TRPM1: variants seen among roughly 807,000 people sequenced by gnomAD.
TRPM1 encodes TRPM1-203 APA Isoform, Intron 10.
Under a neutral mutation model 149.4 loss-of-function variants are expected in TRPM1, and 113 were observed. The observed-to-expected ratio is 0.76, with a 90% confidence interval of 0.65 to 0.88. TRPM1 has a LOEUF of 0.88. Among genes scored for constraint, TRPM1 ranks in the 40% least tolerant of loss-of-function variants. TRPM1 has a pLI of 0.00. For synonymous variants in TRPM1, 741 were observed against 759.5 expected, an observed-to-expected ratio of 0.98 and a Z score of 0.40; for missense variants, 1,976 against 2,038.7, an observed-to-expected ratio of 0.97 and a Z score of 0.59.
rs568465815 is a variant in TRPM1 at position 31,022,593 on chromosome 15, C to T, written c.3629+3546G>A. On this transcript the variant is annotated intron_variant, in intron 27 of 27. Transcript: ENST00000256552. ...CCAACACTTGTTATCCTTCCTGTGG[C>T]ACAATCCTTTGGCTCTTGAGTCTGC... Among the ~76,000 whole-genome samples, 28 of 152,362 alleles carry T rather than the reference C, an allele frequency of 1.8e-4. 1 individual carries two copies. The South Asian group carries it at 3.1e-3, about 17-fold the overall frequency.
chr15:31,132,588 G>C (rs2036031454), intron 1 of TRPM1, among the ~76,000 whole-genome samples: 1 of 152,222 alleles, frequency 6.6e-6, no homozygotes, highest in Non-Finnish European at 1.5e-5. Context: ...GCCACACTGT[G>C]GTGGGTTCTG....
intron 2 of TRPM1, among the ~76,000 whole-genome samples, chr15:31,080,677 T>G (rs2034833507): frequency 1.4e-5 from 1 of 70,470 alleles, no homozygotes. Flanking sequence ...CGCCCCCTGT[T>G]ACCTCTCACG....
In TRPM1 at chr15:31,063,101, C is replaced by T. The variant is rs375285110; in HGVS notation, c.965+17G>A. On this transcript the variant is annotated intron_variant, in intron 8 of 27. Coordinates refer to ENST00000256552, the MANE Select transcript of TRPM1 (RefSeq NM_001252024.2). ...GGAGTTACGAACCCGCCCTTCCTCG[C>T]GCGTCAGAAATCCTACCCGCCTTCT... 8.4e-5 allele frequency: 136 copies of T among 1,614,110 alleles called. No homozygotes were observed. The African/African-American group carries it at 1.5e-3, about 18-fold the overall frequency.
intron 27 of TRPM1, among the ~76,000 whole-genome samples, chr15:31,025,919 C>A (rs1397566879): frequency 6.6e-6 from 1 of 152,224 alleles, no homozygotes; most frequent in Admixed American, 6.5e-5. Flanking sequence ...TTCTTTCGGC[C>A]CAGGATAAAT....
chr15:31,116,331 G>A (rs1473031297), intron 1 of TRPM1, among the ~76,000 whole-genome samples: 2 of 152,150 alleles, frequency 1.3e-5, no homozygotes, highest in East Asian at 1.9e-4. Flanking sequence ...TAAAGTGCCC[G>A]GCGCCGTGGC....
chr15:31,071,979 ACATATATAT>A (rs1403672755), intron 3 of TRPM1, among the ~76,000 whole-genome samples: 73 of 83,610 alleles, frequency 8.7e-4, no homozygotes, highest in East Asian at 2.0e-3. Context: ...AAAAAAAAAA[ACATATATAT>A]ATATATATAT....
intron 1 of TRPM1, among the ~76,000 whole-genome samples, chr15:31,109,608 G>A (rs561490759): frequency 2.0e-5 from 3 of 150,570 alleles, no homozygotes; most frequent in South Asian, 2.1e-4. Context: ...GCTGAGGCAG[G>A]AGAATCTCTT....
At chr15:31,152,211 C>G (rs2036311847) in intron 1 of TRPM1, among the ~76,000 whole-genome samples, 1 of 152,218 alleles carries the variant, frequency 6.6e-6, no homozygotes, top group African/African-American at 2.4e-5. Flanking sequence ...GAACTCTGCT[C>G]AGGCATGGGC....
chr15:31,104,873 T>C (rs185942258), upstream of TRPM1, among the ~76,000 whole-genome samples: 104 of 152,156 alleles, frequency 6.8e-4, no homozygotes, highest in African/African-American at 1.2e-3. Context: ...GGATTACAGG[T>C]GTGAGCCACC....
At chr15:31,018,444 G>T (rs2032446180) in intron 27 of TRPM1, among the ~76,000 whole-genome samples, 1 of 151,930 alleles carries the variant, frequency 6.6e-6, no homozygotes. Context: ...TGCAGTCTCG[G>T]TTCACTGCAA....
intron 27 of TRPM1, among the ~76,000 whole-genome samples, chr15:31,009,796 C>T (rs74965838): frequency 2.2e-3 from 341 of 152,240 alleles, no homozygotes; most frequent in African/African-American, 7.8e-3. Flanking sequence ...TTACTCTCTC[C>T]TCTGTAATCC....
intron 11 of TRPM1, among the ~76,000 whole-genome samples, chr15:31,056,477 T>C (rs1245718106): frequency 6.6e-6 from 1 of 152,234 alleles, no homozygotes; most frequent in Non-Finnish European, 1.5e-5. Context: ...ATGGTTCATC[T>C]ATAATTGAAT....
At chr15:31,014,784 C>T (rs1427321022) in intron 27 of TRPM1, among the ~76,000 whole-genome samples, 1 of 152,164 alleles carries the variant, frequency 6.6e-6, no homozygotes. Flanking sequence ...CTCTGGAGTT[C>T]ATAACTTTAT....
chr15:31,037,899 A>C, intron 19 of TRPM1, 57 bp from the exon 20 acceptor site: 1 of 1,613,494 alleles, frequency 6.2e-7, no homozygotes, highest in Non-Finnish European at 8.5e-7. Context: ...AATGCAAGGC[A>C]CTCCGGCACA....
chr15:31,014,220 G>C (rs1251184823), intron 27 of TRPM1, among the ~76,000 whole-genome samples: 1 of 152,142 alleles, frequency 6.6e-6, no homozygotes, highest in Non-Finnish European at 1.5e-5. Flanking sequence ...TCACCTCAGG[G>C]AGCAAGCACT....
exon 1 of TRPM1, chr15:31,161,126 G>GCGAGGC (rs1280782782): frequency 1.5e-6 from 1 of 663,614 alleles, no homozygotes. Context: ...AGATCCTGGG[G>GCGAGGC]CGAGGCCGGC....
At chr15:31,027,947 A>G (rs556010473) in intron 25 of TRPM1, among the ~76,000 whole-genome samples, 2 of 152,316 alleles carry the variant, frequency 1.3e-5, no homozygotes, top group South Asian at 4.1e-4. Flanking sequence ...ATGCTTTACT[A>G]GTATTACAGT....
In TRPM1 at chr15:31,070,240, C is replaced by A. The variant is rs767362995; in HGVS notation, c.84-14G>T. On this transcript the variant is annotated splice_polypyrimidine_tract_variant and intron_variant, in intron 3 of 27. Transcript: ENST00000256552. ...CCACAGCAACACCTGAAAACAAAGGCAAAGCAGGGTCTTTCTACAACAATC... is the reference window on the plus strand; with the variant it reads ...CCACAGCAACACCTGAAAACAAAGGAAAAGCAGGGTCTTTCTACAACAATC... 5.0e-6 allele frequency: 8 copies of A among 1,609,836 alleles called. No homozygotes were observed. The South Asian group carries it at 8.8e-5, about 18-fold the overall frequency.
chr15:31,125,354 G>T (rs991655230), intron 1 of TRPM1, among the ~76,000 whole-genome samples: 1 of 152,174 alleles, frequency 6.6e-6, no homozygotes, highest in Non-Finnish European at 1.5e-5. Context: ...GGGGAGACAG[G>T]AAGTACATGG....
Sources: allele counts gnomAD v4.1 joint callset (sites outside exome capture counted in the v4.1 genomes callset), GRCh38; gene constraint gnomAD v4.1.1; transcripts MANE v1.5; gene names NCBI Gene and HGNC (gene_info 2026-07-23, HGNC 2026-07-21).